Variants in BRCC3 observed in about 807,000 individuals in gnomAD.
BRCC3 encodes the protein lys-63-specific deubiquitinase BRCC36.
A neutral mutation model predicts 28.0 loss-of-function variants in BRCC3; 15 were observed. The ratio of observed to expected loss-of-function variants is 0.54; its 90% CI spans 0.36 to 0.82. BRCC3 has a LOEUF of 0.82. BRCC3 is among the 40% of genes least tolerant of loss of function. BRCC3 has a pLI of 0.01. For missense variants in BRCC3, 109 were observed against 225.9 expected (o/e 0.48, Z 3.32); for synonymous variants, 66 against 80.3 (o/e 0.82, Z 0.95).
In BRCC3 at chrX:155,088,274, T is replaced by G. The variant is rs149330131; in HGVS notation, c.404-989T>G. ...GGGCAAAACTGTAATCTGCAGTGTT[T>G]CATTGTGACACCTGATCTTTTGTAT... On this transcript the variant is annotated intron_variant, in intron 5 of 10. Coordinates refer to ENST00000330045, the MANE Select transcript of BRCC3 (RefSeq NM_001018055.3). Among the ~76,000 whole-genome samples, 114 of 112,195 alleles carry G rather than the reference T, an allele frequency of 1.0e-3. 1 individual carries two copies. Among genetic ancestry groups the G allele is most frequent in the African/African-American group, 3.6e-3 (110 of 30,869 alleles).
At chrX:155,085,877 CCCAGGACTGCTTTGCCATGACAG>C (rs1316073395) in intron 5 of BRCC3, among the ~76,000 whole-genome samples, 1 of 111,457 alleles carries the variant, frequency 9.0e-6, no homozygotes, top group African/African-American at 3.3e-5. Flanking sequence ...GCCTGGTTCC[CCCAGGACTGCTTTGCCATGACAG>C]CTACCTGAAT....
At chrX:155,089,808 G>A (rs1246963298) in intron 6 of BRCC3, among the ~76,000 whole-genome samples, 2 of 112,273 alleles carry the variant, frequency 1.8e-5, no homozygotes, top group African/African-American at 6.5e-5. Context: ...GAGTTGGGAA[G>A]TCACTGGAGG....
At chrX:155,120,941 A>G (rs2074385162) in intron 10 of BRCC3, among the ~76,000 whole-genome samples, 1 of 112,279 alleles carries the variant, frequency 8.9e-6, no homozygotes, top group Admixed American at 9.4e-5. Flanking sequence ...TGCTTGTTGC[A>G]TACTGGAAAC....
chrX:155,116,014 C>T (rs1557298681), intron 7 of BRCC3, 43 bp from the exon 8 acceptor site: 10 of 1,180,220 alleles, frequency 8.5e-6, no homozygotes, highest in Non-Finnish European at 1.1e-5. Context: ...CTGATTATAA[C>T]AACTCAGGGT....
At chrX:155,109,739 C>T (rs1450476362) in intron 7 of BRCC3, among the ~76,000 whole-genome samples, 1 of 111,716 alleles carries the variant, frequency 9.0e-6, no homozygotes, top group Admixed American at 9.5e-5. Context: ...AATTTAATTT[C>T]ACCCTTTCCA....
chrX:155,114,585 T>TA (rs1200034470), intron 7 of BRCC3, among the ~76,000 whole-genome samples: 66 of 101,136 alleles, frequency 6.5e-4, no homozygotes, highest in African/African-American at 1.4e-3. Flanking sequence ...TAACCACAAT[T>TA]AAAAAAAAAA....
chrX:155,089,315 T>C lies in BRCC3; in HGVS notation c.456T>C (p.Leu152=), dbSNP rs1557295324. Residue 152 remains leucine, a synonymous_variant, in exon 6 of 11, where the codon CTT becomes CTC. Coordinates refer to ENST00000330045, the MANE Select transcript of BRCC3 (RefSeq NM_001018055.3). Reference sequence around the variant, plus strand: ...TGATGGATCAAGGCTTTGTAGGACTTATTTTTTCCTGTTTCATAGAAGATA... The same window carrying C: ...TGATGGATCAAGGCTTTGTAGGACTCATTTTTTCCTGTTTCATAGAAGATA... ...YQMMDQGFVG[L]IFSCFIEDKN... The C allele has an allele frequency of 2.5e-6, 3 of 1,179,383 alleles. No homozygotes were observed. The Admixed American group carries it at 7.1e-5, about 28-fold the overall frequency.
intron 6 of BRCC3, among the ~76,000 whole-genome samples, chrX:155,090,254 G>C (rs782609430): frequency 8.9e-5 from 10 of 112,143 alleles, no homozygotes; most frequent in Non-Finnish European, 1.3e-4. Flanking sequence ...TATAATATGT[G>C]TCAGTTCAAA....
intron 7 of BRCC3, among the ~76,000 whole-genome samples, chrX:155,103,025 G>A (rs1387371121): frequency 9.0e-6 from 1 of 111,084 alleles, no homozygotes; most frequent in African/African-American, 3.3e-5. Flanking sequence ...AATTACCCCT[G>A]GTTGAAAACC....
Position 155,075,297 on chromosome X carries a change from G to GTA in BRCC3, c.195+1866_195+1867insTA, listed in dbSNP as rs1569560418. ...AATGCTAAGCCCACTCTTTCCCCTGGCCCTTCTTGTTCTTCCCCACACTAA... is the reference window on the plus strand; with the variant it reads ...AATGCTAAGCCCACTCTTTCCCCTGGTACCCTTCTTGTTCTTCCCCACACTAA... On this transcript the variant is annotated intron_variant, in intron 3 of 10. Transcript: ENST00000330045. 5.8e-4 allele frequency among the ~76,000 whole-genome samples: 31 copies of GTA among 53,663 alleles called. 1 individual carries two copies. Among genetic ancestry groups the GTA allele is most frequent in the Admixed American group, 4.5e-3 (23 of 5,110 alleles). 46.6% of individuals were successfully genotyped at this position (53,663 alleles called of 115,157 possible).
intron 5 of BRCC3, among the ~76,000 whole-genome samples, chrX:155,085,596 C>T (rs2074118044): frequency 8.9e-6 from 1 of 112,598 alleles, no homozygotes; most frequent in Non-Finnish European, 1.9e-5. Context: ...TAAGCGACCT[C>T]CAACTTTTTA....
chrX:155,098,640 G>C (rs932992908), intron 7 of BRCC3, among the ~76,000 whole-genome samples: 3 of 112,329 alleles, frequency 2.7e-5, no homozygotes, highest in Admixed American at 9.4e-5. Context: ...GCTGACTGTT[G>C]TAATAGAGAC....
chrX:155,116,105 C>T lies in BRCC3; in HGVS notation c.597C>T (p.Ile199=), dbSNP rs781932042. The change falls in exon 8 of 11, where the codon ATC becomes ATT. Residue 199 remains isoleucine (I), a synonymous_variant. Coordinates refer to ENST00000330045, the MANE Select transcript of BRCC3 (RefSeq NM_001018055.3). ...IPIHIVPHVT[I]GKVCLESAVE... is the part of the protein sequence containing the mutation. ...TCCATATTGTACCTCATGTCACTAT[C>T]GGGAAAGTGTGCCTTGAATCAGCAG... The T allele has an allele frequency of 2.3e-5, 28 of 1,205,956 alleles. No homozygotes were observed. Among genetic ancestry groups the T allele is most frequent in the African/African-American group, 7.0e-5 (4 of 56,936 alleles).
At chrX:155,075,513 C>A in intron 3 of BRCC3, among the ~76,000 whole-genome samples, 1 of 112,060 alleles carries the variant, frequency 8.9e-6, no homozygotes, top group East Asian at 2.8e-4. Context: ...AAAACAAGCT[C>A]ATCTTCTTTC....
chrX:155,099,284 C>T (rs1386288871), intron 7 of BRCC3: 3 of 1,195,059 alleles, frequency 2.5e-6, no homozygotes, highest in Non-Finnish European at 3.4e-6. Context: ...TATTTTGCTT[C>T]ACCATCTTGG....
At chrX:155,087,077 T>C (rs2074136272) in intron 5 of BRCC3, among the ~76,000 whole-genome samples, 1 of 111,410 alleles carries the variant, frequency 9.0e-6, no homozygotes, top group South Asian at 3.8e-4. Flanking sequence ...AGGTGCAGGG[T>C]CCGAGCCTGC....
At chrX:155,103,494 C>T (rs782205262) in intron 7 of BRCC3, among the ~76,000 whole-genome samples, 1 of 112,040 alleles carries the variant, frequency 8.9e-6, no homozygotes, top group Admixed American at 9.4e-5. Context: ...GATATTTCTC[C>T]GCTGTTCAAC....
At position 155,077,152 on chromosome X, in the gene BRCC3, C is replaced by T. The variant is rs1557293727; in HGVS notation, c.196-18C>T. 4 of 1,158,172 alleles carry T rather than the reference C, an allele frequency of 3.5e-6. No individual in the cohort carries two copies. The highest frequency in any genetic ancestry group is 2.6e-4 in the Middle Eastern group (1 of 3,894). Reference sequence around the variant, plus strand: ...TGGAGAGAGCTGTAAGTAACCATTTCTGTGGATTTTCCTTTAGGTTGATGC... The same window carrying T: ...TGGAGAGAGCTGTAAGTAACCATTTTTGTGGATTTTCCTTTAGGTTGATGC... On this transcript the variant is annotated intron_variant, in intron 3 of 10. Coordinates refer to ENST00000330045, the MANE Select transcript of BRCC3 (RefSeq NM_001018055.3).
chrX:155,077,313 C>G (rs782066821), intron 4 of BRCC3, 24 bp downstream of exon 4: 2 of 1,154,311 alleles, frequency 1.7e-6, no homozygotes, highest in African/African-American at 3.6e-5. Flanking sequence ...TCAATAGAAG[C>G]TTTTATGTGC....
Sources: gnomAD v4.1 joint callset for allele counts (sites outside exome capture counted in the v4.1 genomes callset) on GRCh38, gnomAD v4.1.1 for gene constraint, MANE v1.5 for transcripts, NCBI Gene and HGNC (gene_info 2026-07-23, HGNC 2026-07-21) for gene names.